ST8SIA4: variants seen among roughly 807,000 people sequenced by gnomAD.
ST8SIA4 encodes CMP-N-acetylneuraminate-poly-alpha-2,8-sialyltransferase.
A neutral mutation model predicts 33.9 loss-of-function variants in ST8SIA4; 15 were observed. The observed-to-expected ratio is 0.44, with a 90% CI of 0.30 to 0.68. The LOEUF is 0.68. ST8SIA4 is among the 30% of genes least tolerant of loss of function. The probability of loss-of-function intolerance (pLI) is 0.10; values close to 1 mark genes in which losing one functional copy is unlikely to be tolerated. For synonymous variants in ST8SIA4, 171 were observed against 151.2 expected, an observed-to-expected ratio of 1.13 and a Z score of -0.96; for missense variants, 321 against 428.0, an observed-to-expected ratio of 0.75 and a Z score of 2.21.
rs1351940383 is a variant in ST8SIA4 at position 100,810,709 on chromosome 5, G to A, written c.*1138C>T. 6.6e-6 allele frequency: 1 copy of A among 152,426 alleles called. No homozygotes were observed. The highest frequency in any genetic ancestry group is 1.5e-5 in the Non-Finnish European group (1 of 67,998). 9.4% of individuals were successfully genotyped at this position (152,426 alleles called of 1,614,324 possible). A position where few individuals can be genotyped will look rare whatever the true frequency, so the allele number is the denominator to read the frequency against. On this transcript the variant is annotated 3_prime_UTR_variant, in exon 5 of 5. Transcript: ENST00000231461. ...AATGGTTTGCTGTGTAGAAACACAA[G>A]TGTAATCTTTGGTACCAAAGATTTT...
chr5:100,812,502 G>A (rs3776155), intron 4 of ST8SIA4, among the ~76,000 whole-genome samples: 43,499 of 151,686 alleles, frequency 0.29, 6,524 homozygotes, highest in Non-Finnish European at 0.33. Context: ...TAGAGATTAA[G>A]TAATCCTCCC....
chr5:100,810,100 G>A lies in ST8SIA4; in HGVS notation c.*1747C>T, dbSNP rs894853720. Reference sequence around the variant, plus strand: ...CAAGAAATAAGAAATCAAAGTACAAGTGAGAATGCAGAGCTTCTGCCCAGT... The same window carrying A: ...CAAGAAATAAGAAATCAAAGTACAAATGAGAATGCAGAGCTTCTGCCCAGT... On this transcript the variant is annotated 3_prime_UTR_variant, in exon 5 of 5. Coordinates refer to ENST00000231461, the MANE Select transcript of ST8SIA4 (RefSeq NM_005668.6). The A allele has an allele frequency of 6.6e-6, 1 of 152,228 alleles. No homozygotes were observed. Among genetic ancestry groups the A allele is most frequent in the East Asian group, 1.9e-4 (1 of 5,188 alleles). The allele number at this position is 152,228 out of a possible 1,614,324, so 9.4% of individuals were successfully genotyped here. A position where few individuals can be genotyped will look rare whatever the true frequency, so the allele number is the denominator to read the frequency against.
At chr5:100,850,007 A>G (rs1041023101) in intron 4 of ST8SIA4, among the ~76,000 whole-genome samples, 1 of 152,170 alleles carries the variant, frequency 6.6e-6, no homozygotes, top group Non-Finnish European at 1.5e-5. Flanking sequence ...CAGGTATCTT[A>G]TGTATTCTCC....
intron 4 of ST8SIA4, among the ~76,000 whole-genome samples, chr5:100,844,978 T>C (rs1232298093): frequency 6.6e-6 from 1 of 152,084 alleles, no homozygotes; most frequent in Non-Finnish European, 1.5e-5. Context: ...TGTATCAGTA[T>C]CTTGTTTCCT....
chr5:100,888,939 CA>C (rs1194985204), intron 2 of ST8SIA4, among the ~76,000 whole-genome samples: 4 of 151,780 alleles, frequency 2.6e-5, no homozygotes, highest in Admixed American at 6.6e-5. Context: ...GGTTCAAAAC[CA>C]GTAGAATTTG....
intron 3 of ST8SIA4, among the ~76,000 whole-genome samples, chr5:100,865,524 A>T (rs1308890651): frequency 6.6e-6 from 1 of 152,150 alleles, no homozygotes; most frequent in Non-Finnish European, 1.5e-5. Context: ...TCTAACTCCT[A>T]CCTGAGTTTC....
At chr5:100,832,996 T>C (rs983906851) in intron 4 of ST8SIA4, among the ~76,000 whole-genome samples, 4 of 152,170 alleles carry the variant, frequency 2.6e-5, no homozygotes, top group Non-Finnish European at 5.9e-5. Flanking sequence ...GCTGTGTTGA[T>C]TCATTCATTC....
At chr5:100,830,503 C>A (rs1037797287) in intron 4 of ST8SIA4, among the ~76,000 whole-genome samples, 1 of 152,194 alleles carries the variant, frequency 6.6e-6, no homozygotes, top group Non-Finnish European at 1.5e-5. Context: ...AAGCCTAATC[C>A]ATTTCTAAGT....
At chr5:100,845,777 C>CCATTAATTTT (rs1751556530) in intron 4 of ST8SIA4, among the ~76,000 whole-genome samples, 1 of 151,894 alleles carries the variant, frequency 6.6e-6, no homozygotes, top group African/African-American at 2.4e-5. Context: ...CTCTATTGAA[C>CCATTAATTTT]ACCATGATAA....
At chr5:100,884,408 A>T (rs1031109553) in intron 3 of ST8SIA4, among the ~76,000 whole-genome samples, 3 of 152,194 alleles carry the variant, frequency 2.0e-5, no homozygotes, top group Non-Finnish European at 4.4e-5. Context: ...TTTTAGAATA[A>T]GAGAGGTGGA....
chr5:100,895,659 C>T lies in ST8SIA4; in HGVS notation c.240G>A (p.Glu80=). ...GCCTTAGTAAAGAAACTCACCTTAT[C>T]TCTAGGACCAAAGAGGAATTGATTT... ...GWKINSSLVL[E]IRKNILRFLD... Residue 80 remains glutamate (E), a synonymous_variant, in exon 2 of 5, where the codon GAG becomes GAA. Coordinates refer to ENST00000231461, the MANE Select transcript of ST8SIA4 (RefSeq NM_005668.6). 1.2e-6 allele frequency: 2 copies of T among 1,610,326 alleles called. No individual in the cohort carries two copies. Among genetic ancestry groups the T allele is most frequent in the South Asian group, 1.1e-5 (1 of 90,414 alleles).
intron 4 of ST8SIA4, among the ~76,000 whole-genome samples, chr5:100,838,799 A>C (rs1751414297): frequency 6.6e-6 from 1 of 151,994 alleles, no homozygotes; most frequent in South Asian, 2.1e-4. Flanking sequence ...TTCTTTTGCT[A>C]TAGCTTCATG....
chr5:100,885,272 A>C (rs1752511172), intron 3 of ST8SIA4: 2 of 764,434 alleles, frequency 2.6e-6, no homozygotes, highest in Admixed American at 6.3e-5. Flanking sequence ...TTTCACATTA[A>C]TCTCTGACCC....
At chr5:100,855,598 G>T (rs932264134) in intron 4 of ST8SIA4, among the ~76,000 whole-genome samples, 4 of 152,076 alleles carry the variant, frequency 2.6e-5, no homozygotes, top group African/African-American at 9.7e-5. Context: ...GGGAAATGTT[G>T]GCTTAATTCA....
intron 3 of ST8SIA4, among the ~76,000 whole-genome samples, chr5:100,857,119 T>C (rs1345237425): frequency 6.6e-6 from 1 of 152,104 alleles, no homozygotes; most frequent in African/African-American, 2.4e-5. Flanking sequence ...TTCGGACGTA[T>C]GCATCCCTGG....
intron 3 of ST8SIA4, among the ~76,000 whole-genome samples, chr5:100,877,528 G>A (rs542399107): frequency 6.6e-6 from 1 of 152,234 alleles, no homozygotes; most frequent in South Asian, 2.1e-4. Context: ...TATGACAATA[G>A]GTCATTGAAG....
Position 100,812,141 on chromosome 5 carries a change from A to T in ST8SIA4, c.798-12T>A, listed in dbSNP as rs996922209. On this transcript the variant is annotated splice_polypyrimidine_tract_variant and intron_variant, in intron 4 of 4. Transcript: ENST00000231461. ...TGGTCAGCCAGTAACTGGAAAAACA[A>T]AAAACAAAATCAAGAAGAGAAGAAT... 6.2e-7 allele frequency: 1 copy of T among 1,600,278 alleles called. No homozygotes were observed. The highest frequency in any genetic ancestry group is 1.1e-5 in the South Asian group (1 of 88,464).
At chr5:100,837,055 T>C (rs550550638) in intron 4 of ST8SIA4, among the ~76,000 whole-genome samples, 100 of 151,114 alleles carry the variant, frequency 6.6e-4, no homozygotes, top group Non-Finnish European at 9.4e-4. Context: ...GGAAATAAGA[T>C]ACCATTCTGA....
At chr5:100,871,461 C>T (rs1257995977) in intron 3 of ST8SIA4, among the ~76,000 whole-genome samples, 1 of 152,002 alleles carries the variant, frequency 6.6e-6, no homozygotes, top group Non-Finnish European at 1.5e-5. Flanking sequence ...TTTACATACT[C>T]AGATTTTGTA....
Sources: allele counts gnomAD v4.1 joint callset (sites outside exome capture counted in the v4.1 genomes callset), GRCh38; gene constraint gnomAD v4.1.1; transcripts MANE v1.5; gene names NCBI Gene and HGNC (gene_info 2026-07-23, HGNC 2026-07-21).